The following PTGFRN variants were observed in gnomAD, a reference collection of about 807,000 sequenced individuals.
PTGFRN encodes prostaglandin F2 receptor negative regulator.
A neutral mutation model predicts 83.2 loss-of-function variants in PTGFRN; 35 were observed. The observed-to-expected ratio is 0.42, with a 90% CI of 0.32 to 0.56. The LOEUF (loss-of-function observed/expected upper bound fraction) is 0.56. PTGFRN is among the 20% of genes least tolerant of loss of function. PTGFRN has a pLI of 0.11. For missense variants in PTGFRN, 1,051 were observed against 1,179.5 expected (o/e 0.89, Z 1.60); for synonymous variants, 519 against 498.6 (o/e 1.04, Z -0.55).
rs1228347541 is a variant in PTGFRN at position 116,918,952 on chromosome 1, G to T, written c.49+8700G>T. 6.6e-6 allele frequency among the ~76,000 whole-genome samples: 1 copy of T among 152,174 alleles called. No individual in the cohort carries two copies. The highest frequency in any genetic ancestry group is 1.5e-5 in the Non-Finnish European group (1 of 68,020). On this transcript the variant is annotated intron_variant, in intron 1 of 8. Transcript: ENST00000393203. This position sits in a 1 kb window ranked among gnomAD's most constrained non-coding sequence, Gnocchi z 4.1. ...TCCAGGCTTGATGCACCTGCAGAAG[G>T]TTTGAGGGCCTGGAGGGCATGATGA...
At chr1:116,977,157 C>A (rs1214915729) in intron 7 of PTGFRN, among the ~76,000 whole-genome samples, 1 of 152,148 alleles carries the variant, frequency 6.6e-6, no homozygotes, top group African/African-American at 2.4e-5. Flanking sequence ...GGGATCAATT[C>A]AACAAGAAGA....
chr1:116,919,901 G>A (rs1649499538), intron 1 of PTGFRN, among the ~76,000 whole-genome samples: 1 of 152,214 alleles, frequency 6.6e-6, no homozygotes, highest in South Asian at 2.1e-4. Flanking sequence ...TGTGACCTTG[G>A]ACAAGTTGCT....
chr1:116,910,116 C>G lies in PTGFRN; in HGVS notation c.-88C>G, dbSNP rs1207572683. 5 of 1,425,222 alleles carry G rather than the reference C, an allele frequency of 3.5e-6. No individual in the cohort carries two copies. Among genetic ancestry groups the G allele is most frequent in the East Asian group, 2.7e-5 (1 of 37,576 alleles). 88.3% of individuals were successfully genotyped at this position (1,425,222 alleles called of 1,614,324 possible). On this transcript the variant is annotated 5_prime_UTR_variant, in exon 1 of 9. Coordinates refer to ENST00000393203, the MANE Select transcript of PTGFRN (RefSeq NM_020440.4). The stretch of plus-strand genomic sequence containing the variant: ...CGCGGCCCAGGCGGAGGAGCGCCGA[C>G]TCTGGAGCAGCCGGAGCTGGAAGAG...
chr1:116,970,281 A>G (rs1156824142), intron 6 of PTGFRN, among the ~76,000 whole-genome samples: 2 of 151,754 alleles, frequency 1.3e-5, no homozygotes, highest in South Asian at 2.1e-4. Context: ...TTCCACTCCT[A>G]GTGTGTTTCC....
At position 116,958,860 on chromosome 1, in the gene PTGFRN, C is replaced by G. The variant is rs933723738; in HGVS notation, c.1214-2383C>G. On this transcript the variant is annotated intron_variant, in intron 4 of 8. Transcript: ENST00000393203. The surrounding 1 kb of genome is among the most constrained non-coding windows in gnomAD (Gnocchi z 4.9). ...GGGTTATGGTTCTCCAGTCCCCACA[C>G]AGTCTCATGCCACACAGGAAGGGTC... Among the ~76,000 whole-genome samples the G allele has an allele frequency of 2.0e-5, 3 of 152,206 alleles. No individual in the cohort carries two copies. Among genetic ancestry groups the G allele is most frequent in the African/African-American group, 7.2e-5 (3 of 41,444 alleles).
rs573292948 is a variant in PTGFRN, at chr1:116,987,934, G to A, written c.*967G>A. 4.7e-4 allele frequency: 72 copies of A among 152,372 alleles called. No individual in the cohort carries two copies. The highest frequency in any genetic ancestry group is 1.6e-3 in the Admixed American group (25 of 15,294). 9.4% of individuals were successfully genotyped at this position (152,372 alleles called of 1,614,324 possible). A position where few individuals can be genotyped will look rare whatever the true frequency, so the allele number is the denominator to read the frequency against. ...TCAGAGTGGTGCCAGGTGCAAGTTA[G>A]GCTAAAGAAGCCACCACTATTCCTC... On this transcript the variant is annotated 3_prime_UTR_variant, in exon 9 of 9. Coordinates refer to ENST00000393203, the MANE Select transcript of PTGFRN (RefSeq NM_020440.4).
chr1:116,921,502 G>A (rs1017749411), intron 1 of PTGFRN, among the ~76,000 whole-genome samples: 2 of 152,154 alleles, frequency 1.3e-5, no homozygotes, highest in African/African-American at 4.8e-5. Context: ...TGTAACTCAC[G>A]GCATGACACA....
Position 116,941,789 on chromosome 1 carries a change from C to T in PTGFRN, c.124C>T (p.Pro42Ser), listed in dbSNP as rs1330487854. ...VRVVGTELVI[P>S]CNVSDYDGPS... ...AGTGGTGGGCACTGAGCTGGTCATC[C>T]CCTGCAACGTCAGTGACTATGATGG... The change falls in exon 2 of 9, where the codon CCC (proline) becomes TCC (serine). Residue 42 changes from proline (P) to serine (S), a missense_variant. By Grantham distance (74) the Pro-to-Ser change is moderately conservative. Around this residue, in one of 3 missense-constraint regions of PTGFRN, gnomAD observed 127 missense variants for 168.4 expected, o/e 0.75. Coordinates refer to ENST00000393203, the MANE Select transcript of PTGFRN (RefSeq NM_020440.4). The surrounding 1 kb of genome is among the most constrained non-coding windows in gnomAD (Gnocchi z 5.0). 1 of 1,614,166 alleles carries T rather than the reference C, an allele frequency of 6.2e-7. No homozygotes were observed. The highest frequency in any genetic ancestry group is 1.1e-5 in the South Asian group (1 of 91,072).
chr1:116,973,163 C>T (rs750674257), intron 6 of PTGFRN, among the ~76,000 whole-genome samples: 4 of 152,116 alleles, frequency 2.6e-5, no homozygotes, highest in Non-Finnish European at 5.9e-5. Context: ...AGTGACCTAC[C>T]TGCCTCGGCC....
intron 1 of PTGFRN, among the ~76,000 whole-genome samples, chr1:116,920,511 C>G (rs1056222252): frequency 1.3e-5 from 2 of 152,198 alleles, no homozygotes; most frequent in African/African-American, 4.8e-5. Context: ...ACAGGTTGCC[C>G]TTTTCCCAGT....
intron 5 of PTGFRN, among the ~76,000 whole-genome samples, chr1:116,963,774 ATT>A (rs35747028): frequency 5.6e-5 from 8 of 142,528 alleles, no homozygotes; most frequent in Admixed American, 7.0e-5. Context: ...CATTCAGCTA[ATT>A]TTTTTTTTTT....
chr1:116,916,345 C>T (rs570906793), intron 1 of PTGFRN, among the ~76,000 whole-genome samples: 5 of 152,212 alleles, frequency 3.3e-5, no homozygotes, highest in Admixed American at 6.5e-5. Context: ...CTAAGGGTTC[C>T]GGGCACATTT....
intron 8 of PTGFRN, among the ~76,000 whole-genome samples, chr1:116,985,909 C>A (rs140731234): frequency 1.3e-5 from 2 of 152,242 alleles, no homozygotes; most frequent in East Asian, 3.9e-4. Context: ...AACATGTCTC[C>A]TTTGTGGAAA....
At chr1:116,910,352 T>G (rs2101046846) in intron 1 of PTGFRN, 100 bp downstream of exon 1, 1 of 1,051,278 alleles carries the variant, frequency 9.5e-7, no homozygotes, top group Non-Finnish European at 1.2e-6. Context: ...GCGCCGAGGG[T>G]GCCCGGGCTG....
chr1:116,971,219 A>G (rs571654534), intron 6 of PTGFRN, among the ~76,000 whole-genome samples: 1 of 152,202 alleles, frequency 6.6e-6, no homozygotes, highest in Non-Finnish European at 1.5e-5. Context: ...CACTTTCCAT[A>G]TTGTCACCAA....
chr1:116,937,841 G>A (rs558898894), intron 1 of PTGFRN, among the ~76,000 whole-genome samples: 2 of 152,252 alleles, frequency 1.3e-5, no homozygotes, highest in Admixed American at 6.5e-5. Context: ...GCACATAACC[G>A]CAGCCCCTTG....
At chr1:116,933,979 T>C (rs1015924657) in intron 1 of PTGFRN, among the ~76,000 whole-genome samples, 1 of 152,228 alleles carries the variant, frequency 6.6e-6, no homozygotes, top group African/African-American at 2.4e-5. Context: ...TATGCCTAAT[T>C]CTACTACAGT....
At chr1:116,931,002 T>C (rs914727840) in intron 1 of PTGFRN, among the ~76,000 whole-genome samples, 1 of 152,274 alleles carries the variant, frequency 6.6e-6, no homozygotes, top group Non-Finnish European at 1.5e-5. Flanking sequence ...TCATTCTCTT[T>C]TGACCCCTGA....
rs1650284084 is a variant in PTGFRN, at chr1:116,949,452, A to G, written c.1093A>G (p.Lys365Glu). ...SYHLLVRDVS[K>E]ENSGYYYCHV... The stretch of plus-strand genomic sequence containing the variant: ...CCATTTACTGGTTCGGGATGTTAGC[A>G]AAGAAAACTCTGGCTACTATTACTG... Residue 365 changes from lysine to glutamate, a missense_variant, in exon 4 of 9, where the codon AAA (lysine) becomes GAA (glutamate). Physicochemically the swap from Lys to Glu is moderately conservative, Grantham distance 56. This residue lies in a region of PTGFRN where 719 missense variants were observed against 836.6 expected (regional missense o/e 0.86). Transcript: ENST00000393203. 1 of 1,614,154 alleles carries G rather than the reference A, an allele frequency of 6.2e-7. No homozygotes were observed. The highest frequency in any genetic ancestry group is 8.5e-7 in the Non-Finnish European group (1 of 1,180,064).
Sources: gnomAD v4.1 joint callset for allele counts (sites outside exome capture counted in the v4.1 genomes callset) on GRCh38, gnomAD v4.1.1 for gene constraint, gnomAD v4.1.1 regional missense constraint, Gnocchi (gnomAD v3.1) non-coding constraint, MANE v1.5 for transcripts, NCBI Gene and HGNC (gene_info 2026-07-23, HGNC 2026-07-21) for gene names.